The following SLIT2 variants were observed in gnomAD, a reference collection of about 807,000 sequenced individuals.
SLIT2 encodes slit homolog 2 protein.
In SLIT2, 41 loss-of-function variants were observed where a neutral mutation model predicts 185.7. That is an observed-to-expected ratio of 0.22 (90% confidence interval 0.17 to 0.29). SLIT2 has a LOEUF of 0.29. SLIT2 is among the 10% of genes least tolerant of loss of function. The pLI is 1.00. For missense variants in SLIT2, 1,571 were observed against 1,909.0 expected (o/e 0.82, Z 3.30); for synonymous variants, 693 against 680.2 (o/e 1.02, Z -0.29).
chr4:20,392,275 T>C (rs1725485818), intron 4 of SLIT2: 1 of 152,114 alleles, frequency 6.6e-6, no homozygotes, highest in Admixed American at 6.6e-5. Context: ...TAAGTATTTA[T>C]GTATCTGAAC....
intron 5 of SLIT2, among the ~76,000 whole-genome samples, chr4:20,469,751 C>CTTTTT (rs33912349): frequency 1.7e-4 from 15 of 90,756 alleles, no homozygotes; most frequent in East Asian, 3.1e-4. Flanking sequence ...TTAGTTTTTA[C>CTTTTT]TTTTTTTTTT....
chr4:20,489,029 T>TA (rs760362684), intron 8 of SLIT2, 47 bp downstream of exon 8: 1 of 1,509,038 alleles, frequency 6.6e-7, no homozygotes, highest in East Asian at 2.3e-5. Context: ...TGTATCCTGT[T>TA]ATGTAACAGA....
chr4:20,450,275 T>C (rs528328084), intron 4 of SLIT2, among the ~76,000 whole-genome samples: 1 of 152,370 alleles, frequency 6.6e-6, no homozygotes, highest in South Asian at 2.1e-4. Context: ...GAATGAGTAT[T>C]AAATCCTATT....
intron 5 of SLIT2, among the ~76,000 whole-genome samples, chr4:20,477,987 G>A (rs1716302798): frequency 6.6e-6 from 1 of 152,014 alleles, no homozygotes; most frequent in Non-Finnish European, 1.5e-5. Flanking sequence ...GAGTGAGCAG[G>A]GTGAAACAAA....
intron 4 of SLIT2, among the ~76,000 whole-genome samples, chr4:20,360,657 T>TA (rs1056376305): frequency 2.0e-5 from 3 of 152,240 alleles, no homozygotes; most frequent in East Asian, 3.9e-4. Flanking sequence ...GTAAATTACA[T>TA]AAAAAATATA....
At chr4:20,406,165 G>A (rs538003120) in intron 4 of SLIT2, among the ~76,000 whole-genome samples, 1 of 144,284 alleles carries the variant, frequency 6.9e-6, no homozygotes, top group African/African-American at 2.4e-5. Flanking sequence ...TTAATTACAT[G>A]TAGATTGAAT....
rs1720269297 is a variant in SLIT2, at chr4:20,333,861, T to C, written c.395+64980T>C. On this transcript the variant is annotated intron_variant, in intron 4 of 36. Transcript: ENST00000504154. ...TATGAAAAATGGTTTCAGAAGAAACTTTATTAGGGACTAGTTAGAAATGTT... is the reference window on the plus strand; with the variant it reads ...TATGAAAAATGGTTTCAGAAGAAACCTTATTAGGGACTAGTTAGAAATGTT... Among the ~76,000 whole-genome samples, 3 of 152,162 alleles carry C rather than the reference T, an allele frequency of 2.0e-5. No individual in the cohort carries two copies. The South Asian group carries it at 6.2e-4, about 32-fold the overall frequency.
Position 20,595,680 on chromosome 4 carries a change from C to T in SLIT2, c.3183-17C>T. The stretch of plus-strand genomic sequence containing the variant: ...GGCTCAGTTGGGTTTGAAACCATTA[C>T]CTGCTTGTTCCAACAGATGTGACTG... On this transcript the variant is annotated splice_polypyrimidine_tract_variant and intron_variant, in intron 30 of 36. Transcript: ENST00000504154. 2 of 1,612,426 alleles carry T rather than the reference C, an allele frequency of 1.2e-6. No individual in the cohort carries two copies. Among genetic ancestry groups the T allele is most frequent in the Non-Finnish European group, 1.7e-6 (2 of 1,178,800 alleles).
At chr4:20,423,018 T>C (rs1450505473) in intron 4 of SLIT2, among the ~76,000 whole-genome samples, 1 of 152,132 alleles carries the variant, frequency 6.6e-6, no homozygotes, top group Non-Finnish European at 1.5e-5. Flanking sequence ...CTTAAGTTTT[T>C]TAATGCTTTC....
intron 4 of SLIT2, among the ~76,000 whole-genome samples, chr4:20,418,361 C>CT (rs1266883466): frequency 7.9e-5 from 12 of 152,214 alleles, no homozygotes; most frequent in African/African-American, 2.9e-4. Flanking sequence ...TTAATTAAGA[C>CT]TTGCTTTCTG....
At chr4:20,354,601 G>A (rs1186250182) in intron 4 of SLIT2, among the ~76,000 whole-genome samples, 1 of 152,108 alleles carries the variant, frequency 6.6e-6, no homozygotes, top group East Asian at 1.9e-4. Context: ...TTTGGAAAAG[G>A]TCTTGGAGGT....
chr4:20,421,011 T>G (rs1023197666), intron 4 of SLIT2, among the ~76,000 whole-genome samples: 6 of 152,182 alleles, frequency 3.9e-5, no homozygotes, highest in African/African-American at 1.4e-4. Context: ...CTGTGGTATT[T>G]TCTGATGGCA....
Position 20,252,048 on chromosome 4 carries a change from C to T in SLIT2, c.-1768C>T, listed in dbSNP as rs1415232343. 3.3e-5 allele frequency among the ~76,000 whole-genome samples: 5 copies of T among 152,196 alleles called. No individual in the cohort carries two copies. Among genetic ancestry groups the T allele is most frequent in the South Asian group, 2.1e-4 (1 of 4,820 alleles). ...CGGAGGCAGCTGCGAGGCATGGGAG[C>T]GCCGAAGCGCCCAGGCGCAGGCCGA... is the stretch of plus-strand genomic sequence containing the variant. On this transcript the variant is annotated 5_prime_UTR_variant, in exon 1 of 37. Coordinates refer to ENST00000504154, the MANE Select transcript of SLIT2 (RefSeq NM_004787.4).
chr4:20,489,735 G>A (rs1717603946), intron 8 of SLIT2, among the ~76,000 whole-genome samples: 2 of 152,132 alleles, frequency 1.3e-5, no homozygotes, highest in South Asian at 2.1e-4. Flanking sequence ...AGTGAGCTGA[G>A]ATCACACCAG....
intron 4 of SLIT2, among the ~76,000 whole-genome samples, chr4:20,367,926 G>T (rs1210375715): frequency 6.6e-6 from 1 of 152,048 alleles, no homozygotes; most frequent in Admixed American, 6.6e-5. Flanking sequence ...GTCAGCCTTC[G>T]TTGGAAGAGA....
At position 20,602,696 on chromosome 4, in the gene SLIT2, C is replaced by T. The variant is rs140173922; in HGVS notation, c.3692+4301C>T. 2.5e-4 allele frequency among the ~76,000 whole-genome samples: 38 copies of T among 152,260 alleles called. 1 individual carries two copies. Among genetic ancestry groups the T allele is most frequent in the African/African-American group, 8.2e-4 (34 of 41,550 alleles). The stretch of plus-strand genomic sequence containing the variant: ...GGGACTACACTTTGAGAACCCCTTG[C>T]GTAAAAGGAATATGTACTTTGAGAG... On this transcript the variant is annotated intron_variant, in intron 33 of 36. Transcript: ENST00000504154.
chr4:20,537,566 A>C (rs548909632), intron 18 of SLIT2, among the ~76,000 whole-genome samples: 43 of 152,158 alleles, frequency 2.8e-4, no homozygotes, highest in African/African-American at 9.2e-4. Context: ...TCTAAATTCC[A>C]CTTTCTCCTT....
At chr4:20,424,434 C>CA (rs1728392601) in intron 4 of SLIT2, among the ~76,000 whole-genome samples, 1 of 151,972 alleles carries the variant, frequency 6.6e-6, no homozygotes, top group African/African-American at 2.4e-5. Flanking sequence ...CCATAAACTT[C>CA]AAAAATACCA....
At chr4:20,471,785 C>A (rs1041546589) in intron 5 of SLIT2, among the ~76,000 whole-genome samples, 1 of 152,122 alleles carries the variant, frequency 6.6e-6, no homozygotes, top group Non-Finnish European at 1.5e-5. Flanking sequence ...ATTAGCAGAT[C>A]TCATTCCCCT....
Sources: gnomAD v4.1 joint callset for allele counts (sites outside exome capture counted in the v4.1 genomes callset) on GRCh38, gnomAD v4.1.1 for gene constraint, MANE v1.5 for transcripts, NCBI Gene and HGNC (gene_info 2026-07-23, HGNC 2026-07-21) for gene names.